Variants in RPL31 observed in about 807,000 individuals in gnomAD.
The protein encoded by RPL31 is large ribosomal subunit protein eL31.
For missense variants in RPL31, 95 were observed against 164.0 expected, an observed-to-expected ratio of 0.58 and a Z score of 2.30; for synonymous variants, 51 against 55.0, an observed-to-expected ratio of 0.93 and a Z score of 0.32.
At chr2:101,006,229 A>G (rs1678729078) in intron 4 of RPL31, 121 bp from the exon 5 acceptor site, 2 of 1,512,352 alleles carry the variant, frequency 1.3e-6, no homozygotes, top group South Asian at 1.3e-5. Flanking sequence ...AAACTGATCC[A>G]TATCTGGGAT....
downstream of RPL31, chr2:101,011,563 A>G: frequency 1.2e-6 from 2 of 1,612,772 alleles, no homozygotes; most frequent in Non-Finnish European, 8.5e-7. Context: ...TGAGAGGTTT[A>G]AATTAAACAA....
At chr2:101,002,910 C>G in intron 2 of RPL31, 102 bp downstream of exon 2, 2 of 841,826 alleles carry the variant, frequency 2.4e-6, no homozygotes, top group Non-Finnish European at 4.0e-6. Flanking sequence ...CTCTTGTGGC[C>G]TTCCCTGTTT....
downstream of RPL31, among the ~76,000 whole-genome samples, chr2:101,009,853 GCT>G (rs1045063049): frequency 1.9e-4 from 27 of 143,942 alleles, no homozygotes; most frequent in African/African-American, 6.6e-4. Flanking sequence ...ATGGAGTCTC[GCT>G]CTGTCGCCCA....
At chr2:101,012,667 G>A (rs893209122) in intron 4 of RPL31, among the ~76,000 whole-genome samples, 7 of 151,906 alleles carry the variant, frequency 4.6e-5, no homozygotes, top group Non-Finnish European at 7.4e-5. Flanking sequence ...TTAAACGGGT[G>A]ACTTGCATGG....
chr2:101,005,700 T>C (rs576785229), intron 3 of RPL31: 10 of 462,592 alleles, frequency 2.2e-5, no homozygotes, highest in African/African-American at 4.0e-5. Flanking sequence ...GACCCAGATA[T>C]CTGCTTAGGA....
chr2:101,009,936 C>T (rs368224631), downstream of RPL31, among the ~76,000 whole-genome samples: 9 of 151,846 alleles, frequency 5.9e-5, 1 homozygote, highest in South Asian at 1.9e-3. Flanking sequence ...ATTCTCCTGC[C>T]TCAGCCTCCC....
rs1573832054 is a variant in RPL31, at chr2:101,002,362, C to T, written c.-1+47C>T. 2.0e-5 allele frequency: 5 copies of T among 248,556 alleles called. No homozygotes were observed. The South Asian group carries it at 2.7e-4, about 14-fold the overall frequency. 15.4% of individuals were successfully genotyped at this position (248,556 alleles called of 1,614,324 possible). The stretch of plus-strand genomic sequence containing the variant: ...TGGGCTCCTGGAATCCAGCCCCATC[C>T]TCCTTTGGGATTGTGCTAACTGGGA... On this transcript the variant is annotated intron_variant, in intron 1 of 4. Coordinates refer to ENST00000264258, the MANE Select transcript of RPL31 (RefSeq NM_000993.5).
At chr2:101,009,625 G>A (rs1308637807), downstream of RPL31, among the ~76,000 whole-genome samples, 3 of 151,974 alleles carry the variant, frequency 2.0e-5, no homozygotes, top group Non-Finnish European at 4.4e-5. Flanking sequence ...TATATCCAGA[G>A]AGTAGAATGA....
intron 3 of RPL31, chr2:101,005,636 C>G: frequency 3.6e-6 from 1 of 280,674 alleles, no homozygotes; most frequent in Non-Finnish European, 6.7e-6. Context: ...ACAGAAAAAT[C>G]ACGTAACAAA....
downstream of RPL31, chr2:101,008,147 G>A (rs773290358): frequency 9.3e-6 from 15 of 1,613,728 alleles, no homozygotes; most frequent in African/African-American, 2.7e-5. Context: ...CTGCTGCCTC[G>A]CTGCCCCACC....
intron 4 of RPL31, among the ~76,000 whole-genome samples, chr2:101,014,118 G>A (rs566745388): frequency 2.0e-4 from 31 of 152,096 alleles, no homozygotes; most frequent in Non-Finnish European, 4.0e-4. Context: ...GCTTCTTGAC[G>A]ATTTGGATAC....
chr2:101,011,153 G>GA (rs1367342621), downstream of RPL31: 3 of 902,720 alleles, frequency 3.3e-6, no homozygotes, highest in Non-Finnish European at 5.1e-6. Context: ...TACAAAACTG[G>GA]AAAGCAAGAG....
At chr2:101,014,299 T>C (rs1315414314) in intron 4 of RPL31, among the ~76,000 whole-genome samples, 1 of 152,204 alleles carries the variant, frequency 6.6e-6, no homozygotes, top group African/African-American at 2.4e-5. Context: ...AGAATAGATC[T>C]TTCATCTAGC....
downstream of RPL31, chr2:101,011,062 A>G: frequency 6.3e-7 from 1 of 1,593,128 alleles, no homozygotes; most frequent in Non-Finnish European, 8.6e-7. Flanking sequence ...GGTTTAATTT[A>G]AATAAATTCA....
downstream of RPL31, chr2:101,011,629 A>T: frequency 7.3e-7 from 1 of 1,375,714 alleles, no homozygotes; most frequent in Non-Finnish European, 1.0e-6. Flanking sequence ...ACTAAAGGCT[A>T]AGCCAGCAGC....
At chr2:101,003,010 C>T (rs1326395459) in intron 2 of RPL31, among the ~76,000 whole-genome samples, 1 of 152,200 alleles carries the variant, frequency 6.6e-6, no homozygotes, top group Non-Finnish European at 1.5e-5. Context: ...CTGACCGCCC[C>T]CATTATTCTT....
intron 4 of RPL31, chr2:101,018,004 C>CTTG: frequency 7.0e-7 from 1 of 1,420,678 alleles, no homozygotes; most frequent in Non-Finnish European, 9.7e-7. Flanking sequence ...CGCAATTCTA[C>CTTG]TTCAAGCATG....
chr2:101,007,329 C>CAAAT (rs1462674249), downstream of RPL31: 1 of 154,084 alleles, frequency 6.5e-6, no homozygotes, highest in Non-Finnish European at 1.4e-5. Flanking sequence ...TGAATACAAC[C>CAAAT]AAATATATTA....
At chr2:101,015,779 A>G (rs952899350) in intron 4 of RPL31, among the ~76,000 whole-genome samples, 3 of 152,204 alleles carry the variant, frequency 2.0e-5, no homozygotes, top group Non-Finnish European at 2.9e-5. Flanking sequence ...CATATCCACA[A>G]CTACATGATC....
Sources: allele counts gnomAD v4.1 joint callset (sites outside exome capture counted in the v4.1 genomes callset), GRCh38; gene constraint gnomAD v4.1.1; transcripts MANE v1.5; gene names NCBI Gene and HGNC (gene_info 2026-07-23, HGNC 2026-07-21).